Variants in STAP1 observed in about 807,000 individuals in gnomAD.
STAP1 encodes signal-transducing adaptor protein 1.
In STAP1, 30 loss-of-function variants were observed where a neutral mutation model predicts 37.8. The ratio of observed to expected loss-of-function variants is 0.79; its 90% CI spans 0.59 to 1.08. The LOEUF (loss-of-function observed/expected upper bound fraction) is 1.08, where lower values mean the gene tolerates loss of function less well. Among genes scored for constraint, STAP1 ranks in the 50% least tolerant of loss-of-function variants. The probability of loss-of-function intolerance (pLI) is 0.00; values close to 1 mark genes in which losing one functional copy is unlikely to be tolerated. For missense variants in STAP1, 357 were observed against 349.4 expected (o/e 1.02, Z -0.17); for synonymous variants, 130 against 116.0 (o/e 1.12, Z -0.78).
chr4:67,561,942 C>G (rs1459348933), intron 1 of STAP1, among the ~76,000 whole-genome samples: 1 of 151,618 alleles, frequency 6.6e-6, no homozygotes, highest in Non-Finnish European at 1.5e-5. Context: ...CATGGTGGCA[C>G]GCACCTGTGG....
chr4:67,584,870 T>G (rs1001643912), intron 6 of STAP1, among the ~76,000 whole-genome samples: 2 of 152,218 alleles, frequency 1.3e-5, no homozygotes, highest in African/African-American at 4.8e-5. Context: ...GCCACTGAAC[T>G]GTTGTCATAA....
intron 6 of STAP1, among the ~76,000 whole-genome samples, chr4:67,588,243 T>C (rs1051256860): frequency 6.6e-6 from 1 of 152,110 alleles, no homozygotes; most frequent in Non-Finnish European, 1.5e-5. Flanking sequence ...ATGGATTTTT[T>C]TTCCCACCTC....
chr4:67,588,626 G>C (rs1728051787), intron 6 of STAP1, among the ~76,000 whole-genome samples: 1 of 151,994 alleles, frequency 6.6e-6, no homozygotes, highest in South Asian at 2.1e-4. Flanking sequence ...AGCCAGGATG[G>C]TCTCGATCTC....
At chr4:67,588,570 C>T (rs964152720) in intron 6 of STAP1, among the ~76,000 whole-genome samples, 10 of 152,078 alleles carry the variant, frequency 6.6e-5, no homozygotes, top group Admixed American at 2.6e-4. Flanking sequence ...CCACCACGCC[C>T]GGCTAATTTT....
At chr4:67,575,669 A>G (rs1727704222) in intron 3 of STAP1, among the ~76,000 whole-genome samples, 171 bp downstream of exon 3, 1 of 152,176 alleles carries the variant, frequency 6.6e-6, no homozygotes, top group Admixed American at 6.5e-5. Flanking sequence ...ATTTAAAAAG[A>G]CGTGTTCACT....
intron 1 of STAP1, among the ~76,000 whole-genome samples, chr4:67,567,817 A>T (rs1022741331): frequency 6.6e-6 from 1 of 152,208 alleles, no homozygotes; most frequent in East Asian, 1.9e-4. Flanking sequence ...CTGCCTTCCC[A>T]GCTAAGACCC....
chr4:67,595,332 T>C (rs754429020), intron 8 of STAP1, among the ~76,000 whole-genome samples: 1 of 143,336 alleles, frequency 7.0e-6, no homozygotes, highest in African/African-American at 2.7e-5. Flanking sequence ...GAGGATCACT[T>C]TGAGAGCATC....
At chr4:67,563,419 G>A (rs890672550) in intron 1 of STAP1, among the ~76,000 whole-genome samples, 2 of 152,124 alleles carry the variant, frequency 1.3e-5, no homozygotes, top group Admixed American at 6.5e-5. Context: ...ACAAATGAGT[G>A]AGTAGGTGAG....
chr4:67,559,060 G>GA (rs1727277169), intron 1 of STAP1, 131 bp downstream of exon 1: 1 of 925,910 alleles, frequency 1.1e-6, no homozygotes, highest in Non-Finnish European at 1.5e-6. Flanking sequence ...TTTGAGCTCA[G>GA]AAAAATGATT....
intron 8 of STAP1, among the ~76,000 whole-genome samples, chr4:67,599,623 G>T (rs1728297479): frequency 1.3e-5 from 2 of 151,080 alleles, no homozygotes; most frequent in Admixed American, 1.3e-4. Context: ...AAGGTTTGTT[G>T]ATTTTCTTTT....
chr4:67,565,934 CTTTTTTTT>C (rs60607477), intron 1 of STAP1, among the ~76,000 whole-genome samples: 7 of 59,450 alleles, frequency 1.2e-4, no homozygotes, highest in Non-Finnish European at 2.4e-4. Context: ...AACCCAACTG[CTTTTTTTT>C]TTTTTTTTTT....
At chr4:67,565,614 T>G (rs1727448251) in intron 1 of STAP1, among the ~76,000 whole-genome samples, 1 of 152,192 alleles carries the variant, frequency 6.6e-6, no homozygotes, top group South Asian at 2.1e-4. Context: ...TATGAAATAC[T>G]TGCTATGTCC....
intron 7 of STAP1, among the ~76,000 whole-genome samples, chr4:67,592,878 C>A (rs1418128761): frequency 1.3e-5 from 2 of 152,140 alleles, no homozygotes; most frequent in Non-Finnish European, 2.9e-5. Context: ...GAGACAGGAT[C>A]TCGCTATGTT....
At chr4:67,567,121 T>G (rs1727488498) in intron 1 of STAP1, among the ~76,000 whole-genome samples, 1 of 152,216 alleles carries the variant, frequency 6.6e-6, no homozygotes, top group African/African-American at 2.4e-5. Flanking sequence ...TGGATGGGGT[T>G]GAAATTAAGA....
chr4:67,598,856 A>G (rs1011163282), intron 8 of STAP1, among the ~76,000 whole-genome samples: 16 of 152,176 alleles, frequency 1.1e-4, no homozygotes, highest in African/African-American at 3.9e-4. Context: ...TGTCTAGACC[A>G]ATGTCTTGGA....
chr4:67,589,052 A>G (rs1276427765), intron 6 of STAP1, among the ~76,000 whole-genome samples: 6 of 152,344 alleles, frequency 3.9e-5, no homozygotes, highest in African/African-American at 1.4e-4. Context: ...GAGAACCCAC[A>G]TGACAATCAG....
chr4:67,579,793 T>G (rs944998050), intron 4 of STAP1, among the ~76,000 whole-genome samples: 2 of 152,130 alleles, frequency 1.3e-5, no homozygotes, highest in Admixed American at 1.3e-4. Context: ...CCTCCAACAC[T>G]GGGGCTAATT....
intron 8 of STAP1, among the ~76,000 whole-genome samples, chr4:67,601,382 T>C (rs750449561): frequency 6.6e-5 from 10 of 152,212 alleles, no homozygotes; most frequent in Admixed American, 4.6e-4. Context: ...AAGATATAAG[T>C]AGTTTACACA....
chr4:67,596,154 C>T (rs375014567), intron 8 of STAP1, among the ~76,000 whole-genome samples: 8 of 151,952 alleles, frequency 5.3e-5, no homozygotes, highest in South Asian at 2.1e-4. Context: ...ATCATGGGGC[C>T]GGTTTGCCCC....
Sources: gnomAD v4.1 joint callset for allele counts (sites outside exome capture counted in the v4.1 genomes callset) on GRCh38, gnomAD v4.1.1 for gene constraint, MANE v1.5 for transcripts, NCBI Gene and HGNC (gene_info 2026-07-23, HGNC 2026-07-21) for gene names.